MYH15: variants seen among roughly 807,000 people sequenced by gnomAD.
MYH15 encodes the protein myosin heavy chain 15.
MYH15 carries 227 observed loss-of-function variants against 240.5 expected under a neutral mutation model. The observed-to-expected ratio is 0.94, with a 90% CI of 0.85 to 1.05. MYH15 has a LOEUF of 1.05. MYH15 is among the 50% of genes least tolerant of loss of function. The probability of loss-of-function intolerance (pLI) is 0.00; values close to 1 mark genes in which losing one functional copy is unlikely to be tolerated. For synonymous variants in MYH15, 785 were observed against 796.7 expected, an observed-to-expected ratio of 0.99 and a Z score of 0.25; for missense variants, 2,217 against 2,247.5, an observed-to-expected ratio of 0.99 and a Z score of 0.27.
chr3:108,411,001 G>A, intron 30 of MYH15, 69 bp from the exon 31 acceptor site: 1 of 1,335,308 alleles, frequency 7.5e-7, no homozygotes, highest in Non-Finnish European at 1.0e-6. Flanking sequence ...AGTCTGCCCT[G>A]GATTAAAGAT....
rs912664365 is a variant in MYH15 at position 108,456,793 on chromosome 3, C to A, written c.2111G>T (p.Arg704Leu). The A allele has an allele frequency of 6.2e-7, 1 of 1,613,116 alleles. No individual in the cohort carries two copies. The highest frequency in any genetic ancestry group is 8.5e-7 in the Non-Finnish European group (1 of 1,179,326). The stretch of plus-strand genomic sequence containing the variant: ...TTGTTTAAAATCAGCATACTGCAGT[C>A]GGTTTGGAAAACCTTCACGGCATAT... ...TRICREGFPNRLQYADFKQRY... is the reference protein window; with the variant it reads ...TRICREGFPNLLQYADFKQRY... Residue 704 changes from arginine (R) to leucine (L), a missense_variant, in exon 19 of 41, where the codon CGA (arginine) becomes CTA (leucine). Arg to Leu is a moderately radical substitution (Grantham distance 102). Coordinates refer to ENST00000693548, the MANE Select transcript of MYH15 (RefSeq NM_014981.3).
At chr3:108,533,187 T>C (rs1386380424), upstream of MYH15, among the ~76,000 whole-genome samples, 2 of 149,364 alleles carry the variant, frequency 1.3e-5, no homozygotes, top group Non-Finnish European at 3.0e-5. Flanking sequence ...CCAAGTTTGC[T>C]CTGAAGAGCA....
In MYH15 at chr3:108,455,770, A is replaced by G. The variant is rs1362111661; in HGVS notation, c.2228T>C (p.Ile743Thr). 8 of 1,613,798 alleles carry G rather than the reference A, an allele frequency of 5.0e-6. No individual in the cohort carries two copies. In the African/African-American group the frequency reaches 5.3e-5, roughly 11 times the overall value. ...AAEELLGSLE[I>T]DHTQYRFGIT... ...TCCAAATCGGTACTGGGTATGGTCT[A>G]TCTCCAAGGAGCCAAGTAATTCTTC... The change falls in exon 20 of 41, where the codon ATA becomes ACA. Residue 743 changes from isoleucine (I) to threonine (T), a missense_variant. Ile to Thr is a moderately conservative substitution (Grantham distance 89). Transcript: ENST00000693548.
upstream of MYH15, among the ~76,000 whole-genome samples, chr3:108,514,184 C>T (rs2083542827): frequency 6.6e-6 from 1 of 152,162 alleles, no homozygotes; most frequent in African/African-American, 2.4e-5. Flanking sequence ...AGATGACCAA[C>T]CATCCCTGTC....
chr3:108,383,792 T>C (rs1056954868), intron 39 of MYH15, 63 bp from the exon 40 acceptor site: 65 of 1,241,280 alleles, frequency 5.2e-5, no homozygotes, highest in Admixed American at 3.3e-4. Flanking sequence ...GTTTTTTTTT[T>C]CTGCTCTGAC....
chr3:108,516,481 AC>A (rs2083573622), intron 1 of MYH15, among the ~76,000 whole-genome samples: 1 of 152,214 alleles, frequency 6.6e-6, no homozygotes, highest in Admixed American at 6.5e-5. Context: ...AGTAAATGAA[AC>A]ACATTTGAGT....
the MYH15 span, among the ~76,000 whole-genome samples, chr3:108,536,684 CAA>C: frequency 2.6e-4 from 40 of 152,318 alleles, no homozygotes; most frequent in East Asian, 2.1e-3. Flanking sequence ...GCTTCAGTGA[CAA>C]AAGAGTAAGT....
chr3:108,414,233 T>A lies in MYH15; in HGVS notation c.4144A>T (p.Lys1382Ter). Residue 1382 changes from lysine (K) to a stop codon, truncating the protein, a stop_gained and splice_region_variant, in exon 30 of 41, where the codon AAG becomes TAG. Coordinates refer to ENST00000693548, the MANE Select transcript of MYH15 (RefSeq NM_014981.3). LOFTEE classifies it high-confidence loss of function. ...IQRTEDLEDAKKELAIRLQEA... is the reference protein window; with the variant it reads ...IQRTEDLEDA Reference sequence around the variant, plus strand: ...TAAGGATAGCCTTGCCCTACTCACTTGGCATCCTCCAAGTCTTCTGTTCTC... The same window carrying A: ...TAAGGATAGCCTTGCCCTACTCACTAGGCATCCTCCAAGTCTTCTGTTCTC... The A allele has an allele frequency of 6.2e-7, 1 of 1,613,914 alleles. No individual in the cohort carries two copies. The highest frequency in any genetic ancestry group is 1.1e-5 in the South Asian group (1 of 91,046).
chr3:108,457,634 A>T (rs867886327), intron 18 of MYH15, among the ~76,000 whole-genome samples: 1 of 151,300 alleles, frequency 6.6e-6, no homozygotes, highest in Non-Finnish European at 1.5e-5. Context: ...TGAAAAATAA[A>T]AAAAAAAAAG....
intron 8 of MYH15, 100 bp downstream of exon 8, chr3:108,493,013 GA>G (rs2083364108): frequency 1.8e-5 from 13 of 710,094 alleles, no homozygotes; most frequent in South Asian, 8.1e-5. Context: ...AGGAAAGAAA[GA>G]AAGAAGAAAA....
chr3:108,418,742 CT>C (rs1289642955), intron 28 of MYH15, among the ~76,000 whole-genome samples: 56 of 106,388 alleles, frequency 5.3e-4, no homozygotes, highest in African/African-American at 2.2e-3. Context: ...AGCGATTCTC[CT>C]GTCTCAGCCT....
chr3:108,493,330 GA>G (rs2083368066), intron 7 of MYH15, among the ~76,000 whole-genome samples, 153 bp from the exon 8 acceptor site: 2 of 151,552 alleles, frequency 1.3e-5, no homozygotes, highest in African/African-American at 2.4e-5. Context: ...AGAAAGAAAA[GA>G]AAAGAAGAGA....
Position 108,464,776 on chromosome 3 carries a change from C to T in MYH15, c.1593G>A (p.Met531Ile), listed in dbSNP as rs1294590651. ...AAGTCAGGTCTGTAGCCTTAGGAAA[C>T]ATACACTCTTCTTCAAGGATGGAAA... The part of the protein sequence containing the change: ...GILSILEEEC[M>I]FPKATDLTFK... The change falls in exon 15 of 41, where the codon ATG becomes ATA. Residue 531 changes from methionine to isoleucine, a missense_variant. Transcript: ENST00000693548. 1.9e-6 allele frequency: 3 copies of T among 1,612,558 alleles called. No individual in the cohort carries two copies. The African/African-American group carries it at 4.0e-5, about 22-fold the overall frequency.
At chr3:108,398,152 A>G (rs1481067734) in intron 35 of MYH15, among the ~76,000 whole-genome samples, 1 of 152,132 alleles carries the variant, frequency 6.6e-6, no homozygotes, top group East Asian at 1.9e-4. Flanking sequence ...ATCAAATATG[A>G]CTGGTACCCC....
chr3:108,507,743 T>C (rs1168012460), intron 1 of MYH15, among the ~76,000 whole-genome samples: 1 of 152,230 alleles, frequency 6.6e-6, no homozygotes, highest in Non-Finnish European at 1.5e-5. Flanking sequence ...TCTAGCTGAT[T>C]GTGCATTTGC....
chr3:108,481,099 T>C (rs1035826684), intron 11 of MYH15, among the ~76,000 whole-genome samples: 10 of 152,178 alleles, frequency 6.6e-5, no homozygotes, highest in African/African-American at 2.2e-4. Context: ...ATTCATACAA[T>C]GGAATATTTT....
At chr3:108,431,917 G>C (rs1046276136) in intron 25 of MYH15, among the ~76,000 whole-genome samples, 1 of 152,174 alleles carries the variant, frequency 6.6e-6, no homozygotes, top group Non-Finnish European at 1.5e-5. Flanking sequence ...TTTTAGCAAA[G>C]AGACTGGTGG....
intron 18 of MYH15, 148 bp from the exon 19 acceptor site, chr3:108,457,031 G>T: frequency 1.7e-6 from 1 of 599,436 alleles, no homozygotes; most frequent in Non-Finnish European, 3.0e-6. Flanking sequence ...ACTCACTTAT[G>T]GCCTGATAGT....
chr3:108,508,650 T>A (rs1431234780), intron 1 of MYH15, among the ~76,000 whole-genome samples: 1 of 152,208 alleles, frequency 6.6e-6, no homozygotes, highest in East Asian at 1.9e-4. Context: ...ATCAAACAAC[T>A]CAGAGATAAC....
Sources: allele counts gnomAD v4.1 joint callset (sites outside exome capture counted in the v4.1 genomes callset), GRCh38; gene constraint gnomAD v4.1.1; transcripts MANE v1.5; gene names NCBI Gene and HGNC (gene_info 2026-07-23, HGNC 2026-07-21).